The following ARAP1 variants were observed in gnomAD, a reference collection of about 807,000 sequenced individuals.
The protein encoded by ARAP1 is ArfGAP with RhoGAP domain, ankyrin repeat and PH domain 1.
A neutral mutation model predicts 172.2 loss-of-function variants in ARAP1; 76 were observed. The observed-to-expected ratio is 0.44, with a 90% CI of 0.37 to 0.53. The LOEUF (loss-of-function observed/expected upper bound fraction) is 0.53, where lower values mean the gene tolerates loss of function less well. Ranked by LOEUF, ARAP1 falls within the 20% of genes least tolerant of loss-of-function variation. The pLI is 0.00. For synonymous variants in ARAP1, 804 were observed against 803.3 expected (o/e 1.00, Z -0.01); for missense variants, 1,686 against 1,977.5 (o/e 0.85, Z 2.80).
At chr11:72,716,321 T>C (rs969273794) in intron 3 of ARAP1, among the ~76,000 whole-genome samples, 2 of 152,206 alleles carry the variant, frequency 1.3e-5, no homozygotes, top group African/African-American at 2.4e-5. Flanking sequence ...CACCTTCTAC[T>C]ATACTTGTCT....
intron 1 of ARAP1, among the ~76,000 whole-genome samples, chr11:72,745,372 T>A (rs1291540874): frequency 6.9e-6 from 1 of 145,670 alleles, no homozygotes; most frequent in Non-Finnish European, 1.5e-5. Context: ...TTTTTTTTTT[T>A]TTTTTGTATT....
chr11:72,745,928 T>C (rs920915677), intron 1 of ARAP1, among the ~76,000 whole-genome samples: 22 of 152,230 alleles, frequency 1.4e-4, no homozygotes, highest in African/African-American at 5.3e-4. Context: ...CAGCTAGGGA[T>C]GGTAGCTCCT....
intron 34 of ARAP1, 76 bp from the exon 35 acceptor site, chr11:72,685,757 C>A: frequency 6.3e-7 from 1 of 1,576,302 alleles, no homozygotes; most frequent in Non-Finnish European, 8.7e-7. Context: ...GCTGCTGCAG[C>A]TGCTGCAGCC....
At chr11:72,736,285 C>T (rs1858022647) in intron 1 of ARAP1, among the ~76,000 whole-genome samples, 1 of 148,664 alleles carries the variant, frequency 6.7e-6, no homozygotes, top group African/African-American at 2.5e-5. Flanking sequence ...CTTTGTTGCC[C>T]AGGCTGGAGT....
At chr11:72,687,407 C>CCACCCCA in intron 33 of ARAP1, 32 bp downstream of exon 33, 1 of 1,613,664 alleles carries the variant, frequency 6.2e-7, no homozygotes. Flanking sequence ...CTCCAGGGAC[C>CCACCCCA]CACCCCACAC....
chr11:72,687,399 C>A, intron 33 of ARAP1, 40 bp downstream of exon 33: 1 of 1,613,356 alleles, frequency 6.2e-7, no homozygotes, highest in Non-Finnish European at 8.5e-7. Flanking sequence ...ATGGAAGCCT[C>A]CAGGGACCCA....
Position 72,710,998 on chromosome 11 carries a change from ACAC to A in ARAP1, c.1213+20_1213+22del. On this transcript the variant is annotated intron_variant, in intron 9 of 34. Coordinates refer to ENST00000393609, the MANE Select transcript of ARAP1 (RefSeq NM_001040118.3). The surrounding 1 kb of genome is among the most constrained non-coding windows in gnomAD (Gnocchi z 4.3). ...CTTCTCTACCCTCTTCTACACACAC[ACAC>A]AACACCCCACACTCCCCACCATCAC... is the stretch of plus-strand genomic sequence containing the variant. 1 of 1,613,872 alleles carries A rather than the reference ACAC, an allele frequency of 6.2e-7. No individual in the cohort carries two copies. The highest frequency in any genetic ancestry group is 8.5e-7 in the Non-Finnish European group (1 of 1,179,914).
chr11:72,685,656 T>G lies in ARAP1; in HGVS notation c.*8A>C, dbSNP rs771426987. The stretch of plus-strand genomic sequence containing the variant: ...CGGAATCCTAGAGCCAAGGATGGGC[T>G]CCTGTGCTCAGACGTTGCGCAGAAG... On this transcript the variant is annotated 3_prime_UTR_variant, in exon 35 of 35. Transcript: ENST00000393609. The G allele has an allele frequency of 1.4e-5, 23 of 1,614,082 alleles. No homozygotes were observed. The South Asian group carries it at 2.5e-4, about 18-fold the overall frequency.
chr11:72,740,403 A>T (rs1858161695), intron 1 of ARAP1, among the ~76,000 whole-genome samples: 2 of 152,282 alleles, frequency 1.3e-5, no homozygotes, highest in African/African-American at 4.8e-5. Context: ...ATCTTGAAAG[A>T]CTTTCACTTT....
chr11:72,726,784 T>C lies in ARAP1; in HGVS notation c.345A>G (p.Pro115=). 1 of 227,004 alleles carries C rather than the reference T, an allele frequency of 4.4e-6. No homozygotes were observed. Among genetic ancestry groups the C allele is most frequent in the South Asian group, 3.0e-5 (1 of 33,704 alleles). 14.1% of individuals were successfully genotyped at this position (227,004 alleles called of 1,614,324 possible). A position where few individuals can be genotyped will look rare whatever the true frequency, so the allele number is the denominator to read the frequency against. The change falls in exon 3 of 35, where the codon CCA becomes CCG. Residue 115 remains proline (P), a synonymous_variant. Transcript: ENST00000393609. The surrounding 1 kb of genome is among the most constrained non-coding windows in gnomAD (Gnocchi z 6.5). ...TTEDEGLPAA[P]PIPPRRSCLP... Reference sequence around the variant, plus strand: ...GGCAGCTCCTCCGGGGCGGGATGGGTGGGGCAGCGGGGAGCCCCTCATCCT... The same window carrying C: ...GGCAGCTCCTCCGGGGCGGGATGGGCGGGGCAGCGGGGAGCCCCTCATCCT...
intron 1 of ARAP1, among the ~76,000 whole-genome samples, chr11:72,745,188 T>C (rs957471618): frequency 5.1e-5 from 7 of 135,974 alleles, no homozygotes; most frequent in African/African-American, 1.4e-4. Context: ...CTTTCTTTTT[T>C]TTTTTTTTTT....
At chr11:72,722,182 G>GGA (rs10675016) in intron 3 of ARAP1, 172,669 of 956,446 alleles carry the variant, frequency 0.18, 12,978 homozygotes, top group Middle Eastern at 0.26. Flanking sequence ...AAAGACAGAG[G>GGA]GAGAGAGAGA....
intron 8 of ARAP1, 84 bp from the exon 9 acceptor site, chr11:72,711,225 T>A: frequency 6.4e-7 from 1 of 1,572,242 alleles, no homozygotes; most frequent in Non-Finnish European, 8.6e-7. Flanking sequence ...TCTGCAGCCC[T>A]GTCTCCTGCA....
chr11:72,696,715 C>T (rs1856212466), intron 22 of ARAP1, 61 bp from the exon 23 acceptor site: 2 of 1,399,400 alleles, frequency 1.4e-6, no homozygotes, highest in Non-Finnish European at 1.9e-6. Context: ...CCCACCCCGC[C>T]TGGGCTGCTG....
In ARAP1 at chr11:72,685,684, G is replaced by T. The variant is rs1479475990; in HGVS notation, c.4336-3C>A. On this transcript the variant is annotated splice_polypyrimidine_tract_variant and splice_region_variant and intron_variant, in intron 34 of 34. Coordinates refer to ENST00000393609, the MANE Select transcript of ARAP1 (RefSeq NM_001040118.3). ...TGTGCTCAGACGTTGCGCAGAAGCT[G>T]CAGGAAGGCAAGAGACCCACAGGTA... The T allele has an allele frequency of 6.2e-7, 1 of 1,614,054 alleles. No homozygotes were observed. The highest frequency in any genetic ancestry group is 1.1e-5 in the South Asian group (1 of 91,084).
chr11:72,699,012 A>C lies in ARAP1; in HGVS notation c.2534T>G (p.Ile845Ser). 1.2e-6 allele frequency: 2 copies of C among 1,613,986 alleles called. No homozygotes were observed. The highest frequency in any genetic ancestry group is 1.7e-6 in the Non-Finnish European group (2 of 1,179,978). The change falls in exon 18 of 35, where the codon ATT becomes AGT. Residue 845 changes from isoleucine to serine, a missense_variant. This residue lies in a region of ARAP1 where 688 missense variants were observed against 856.9 expected (regional missense o/e 0.80). Transcript: ENST00000393609. The surrounding 1 kb of genome is among the most constrained non-coding windows in gnomAD (Gnocchi z 4.2). The stretch of plus-strand genomic sequence containing the variant: ...CTGCTACCCCAGGCTCACCTTAGCA[A>C]TACACTTGACCCACTCATGAGCCTG... Reference protein sequence around the residue: ...AEQAHEWVKCIAKAFVPPLAE... With the variant: ...AEQAHEWVKCSAKAFVPPLAE...
chr11:72,743,858 A>T (rs1858274840), intron 1 of ARAP1, among the ~76,000 whole-genome samples: 1 of 151,620 alleles, frequency 6.6e-6, no homozygotes, highest in Admixed American at 6.6e-5. Context: ...CCCAGCCCTC[A>T]GGCAGGGGCT....
At chr11:72,747,232 TCA>T (rs1858395351) in intron 1 of ARAP1, among the ~76,000 whole-genome samples, 1 of 152,168 alleles carries the variant, frequency 6.6e-6, no homozygotes, top group Admixed American at 6.5e-5. Flanking sequence ...ACCGTTGCCC[TCA>T]CAACAGTGAG....
At chr11:72,698,916 C>CG in intron 18 of ARAP1, 89 bp downstream of exon 18, 1 of 1,345,980 alleles carries the variant, frequency 7.4e-7, no homozygotes, top group South Asian at 1.2e-5. Flanking sequence ...GCTCTCTAGA[C>CG]GGGGGAGCTG....
Sources: allele counts gnomAD v4.1 joint callset (sites outside exome capture counted in the v4.1 genomes callset), GRCh38; gene constraint gnomAD v4.1.1; regional missense constraint gnomAD v4.1.1; non-coding constraint Gnocchi (gnomAD v3.1); transcripts MANE v1.5; gene names NCBI Gene and HGNC (gene_info 2026-07-23, HGNC 2026-07-21).